Variants in CS observed in about 807,000 individuals in gnomAD.
The protein encoded by CS is citrate synthase.
In CS, 13 loss-of-function variants were observed where a neutral mutation model predicts 61.4. The observed-to-expected ratio is 0.21, with a 90% CI of 0.14 to 0.34. The LOEUF is 0.34. Ranked by LOEUF, CS falls within the 10% of genes least tolerant of loss-of-function variation. The pLI is 1.00. For synonymous variants in CS, 159 were observed against 215.2 expected, an observed-to-expected ratio of 0.74 and a Z score of 2.29; for missense variants, 278 against 573.4, an observed-to-expected ratio of 0.48 and a Z score of 5.26.
chr12:56,283,409 A>C (rs1288004833), intron 4 of CS, among the ~76,000 whole-genome samples: 2 of 151,720 alleles, frequency 1.3e-5, no homozygotes. Context: ...ATGCCCGGCT[A>C]ATTTTGTGTG....
intron 6 of CS, among the ~76,000 whole-genome samples, chr12:56,277,507 A>T (rs1872657754): frequency 1.5e-5 from 2 of 137,208 alleles, no homozygotes; most frequent in Admixed American, 7.4e-5. Context: ...TCAAAAAATA[A>T]AAAAAAAAGA....
intron 1 of CS, among the ~76,000 whole-genome samples, chr12:56,290,657 C>A (rs1316431146): frequency 1.3e-5 from 2 of 152,006 alleles, no homozygotes. Context: ...AGAAAAAATT[C>A]AACTTAGGAC....
Position 56,283,820 on chromosome 12 carries a change from T to C in CS, c.239A>G (p.Tyr80Cys), listed in dbSNP as rs757322158. Reference protein sequence around the residue: ...GGMRGMKGLVYETSVLDPDEG... With the variant: ...GGMRGMKGLVCETSVLDPDEG... ...ATCAGGATCAAGAACTGATGTTTCA[T>C]AGACCAATCCCTTCATGCCTCTCAT... is the stretch of plus-strand genomic sequence containing the variant. Residue 80 changes from tyrosine to cysteine, a missense_variant, in exon 4 of 11, where the codon TAT becomes TGT. Physicochemically the swap from Tyr to Cys is radical, Grantham distance 194 (BLOSUM62 -2). This residue lies in a region of CS where 223 missense variants were observed against 503.5 expected (regional missense o/e 0.44). Transcript: ENST00000351328. 18 of 1,612,964 alleles carry C rather than the reference T, an allele frequency of 1.1e-5. No individual in the cohort carries two copies. The highest frequency in any genetic ancestry group is 5.5e-5 in the South Asian group (5 of 91,032).
At chr12:56,273,308 C>T in intron 10 of CS, 54 bp from the exon 11 acceptor site, 2 of 1,561,158 alleles carry the variant, frequency 1.3e-6, no homozygotes, top group Non-Finnish European at 1.8e-6. Context: ...GTGGCATGTA[C>T]AAGTCCTAGG....
intron 1 of CS, among the ~76,000 whole-genome samples, chr12:56,289,571 G>A (rs1192100375): frequency 6.6e-6 from 1 of 151,976 alleles, no homozygotes; most frequent in Non-Finnish European, 1.5e-5. Flanking sequence ...AGGCTCCCAA[G>A]TAGCTGGGAC....
At position 56,282,417 on chromosome 12, in the gene CS, T is replaced by C; in HGVS notation, c.588+3A>G. On this transcript the variant is annotated splice_donor_region_variant and intron_variant, in intron 6 of 10. Transcript: ENST00000351328. ...CACCGATCACCCCACCCAAATTTCCTACCTCCCAGTACTTGGTTCGGCTGA... is the reference window on the plus strand; with the variant it reads ...CACCGATCACCCCACCCAAATTTCCCACCTCCCAGTACTTGGTTCGGCTGA... 2 of 1,578,806 alleles carry C rather than the reference T, an allele frequency of 1.3e-6. No individual in the cohort carries two copies. Among genetic ancestry groups the C allele is most frequent in the Non-Finnish European group, 1.7e-6 (2 of 1,160,824 alleles).
At chr12:56,290,386 T>C (rs1345937332) in intron 1 of CS, among the ~76,000 whole-genome samples, 2 of 152,010 alleles carry the variant, frequency 1.3e-5, no homozygotes, top group African/African-American at 4.8e-5. Context: ...TAATTTTTTG[T>C]ATTTTTAGTA....
At chr12:56,299,879 C>T (rs1161583522) in intron 1 of CS, 8 of 391,060 alleles carry the variant, frequency 2.0e-5, no homozygotes, top group African/African-American at 1.8e-4. Context: ...CATCCCTTCC[C>T]CTTTCATTTC....
chr12:56,283,252 C>CT (rs1300881990), intron 4 of CS, among the ~76,000 whole-genome samples: 17 of 151,496 alleles, frequency 1.1e-4, no homozygotes, highest in East Asian at 3.9e-4. Flanking sequence ...TTTTAATTTT[C>CT]TTTTTTTTTG....
chr12:56,281,694 G>T (rs938427253), intron 6 of CS, among the ~76,000 whole-genome samples: 1 of 152,064 alleles, frequency 6.6e-6, no homozygotes, highest in South Asian at 2.1e-4. Context: ...CCTTTTTTAT[G>T]TACAGATAGG....
At chr12:56,285,792 T>G (rs1872923117) in intron 3 of CS, 124 bp downstream of exon 3, 4 of 790,274 alleles carry the variant, frequency 5.1e-6, no homozygotes, top group Non-Finnish European at 8.8e-6. Flanking sequence ...GGAAAAGTCA[T>G]CCTAAAGCTG....
At chr12:56,290,913 C>T (rs544710262) in intron 1 of CS, among the ~76,000 whole-genome samples, 1 of 152,184 alleles carries the variant, frequency 6.6e-6, no homozygotes, top group East Asian at 1.9e-4. Context: ...GTGACCTCCT[C>T]GCCAGAAGTA....
intron 4 of CS, 149 bp from the exon 5 acceptor site, chr12:56,283,140 C>T: frequency 1.1e-6 from 1 of 884,196 alleles, no homozygotes; most frequent in Non-Finnish European, 1.7e-6. Flanking sequence ...CTATGTTGCT[C>T]AGACTGGTCC....
At chr12:56,297,661 G>A (rs1029802448) in intron 1 of CS, among the ~76,000 whole-genome samples, 1 of 152,012 alleles carries the variant, frequency 6.6e-6, no homozygotes, top group Non-Finnish European at 1.5e-5. Flanking sequence ...CGGAGATTAC[G>A]CCACTGCACT....
chr12:56,276,295 G>T, intron 6 of CS, 100 bp from the exon 7 acceptor site: 1 of 1,070,464 alleles, frequency 9.3e-7, no homozygotes, highest in Non-Finnish European at 1.4e-6. Flanking sequence ...GGGCTATTTG[G>T]GTTGATGGTT....
At chr12:56,294,738 C>A (rs1873242110) in intron 1 of CS, among the ~76,000 whole-genome samples, 1 of 151,454 alleles carries the variant, frequency 6.6e-6, no homozygotes, top group South Asian at 2.1e-4. Context: ...AGCCAGGAAT[C>A]ACAAGTATTA....
Position 56,272,655 on chromosome 12 carries a change from C to T in CS, c.*429G>A. ...GTACAGCTGACTATCCAACATGATT[C>T]CTATGGAAACAGAAGGGGCAGAGTC... is the stretch of plus-strand genomic sequence containing the variant. On this transcript the variant is annotated 3_prime_UTR_variant, in exon 11 of 11. Coordinates refer to ENST00000351328, the MANE Select transcript of CS (RefSeq NM_004077.3). The T allele has an allele frequency of 6.4e-6, 1 of 157,228 alleles. No homozygotes were observed. The highest frequency in any genetic ancestry group is 1.4e-5 in the Non-Finnish European group (1 of 71,370). 9.7% of individuals were successfully genotyped at this position (157,228 alleles called of 1,614,324 possible).
chr12:56,273,353 T>C, intron 10 of CS, 99 bp from the exon 11 acceptor site: 1 of 1,290,064 alleles, frequency 7.8e-7, no homozygotes, highest in South Asian at 1.4e-5. Flanking sequence ...TTTCCATTTT[T>C]CTCCAAGGAC....
chr12:56,279,108 A>C (rs1052025864), intron 6 of CS, among the ~76,000 whole-genome samples: 7 of 152,152 alleles, frequency 4.6e-5, no homozygotes, highest in Admixed American at 4.6e-4. Flanking sequence ...GCTACTTCAC[A>C]AATTTGACTA....
Sources: allele counts gnomAD v4.1 joint callset (sites outside exome capture counted in the v4.1 genomes callset), GRCh38; gene constraint gnomAD v4.1.1; regional missense constraint gnomAD v4.1.1; transcripts MANE v1.5; gene names NCBI Gene and HGNC (gene_info 2026-07-23, HGNC 2026-07-21).